Variants in AKAP13 observed in about 807,000 individuals in gnomAD.
AKAP13 encodes A-kinase anchoring protein 13, also known as A-kinase anchor protein 13.
In AKAP13, 80 loss-of-function variants were observed where a neutral mutation model predicts 264.5. The observed-to-expected ratio is 0.30, with a 90% CI of 0.25 to 0.36. AKAP13 has a LOEUF of 0.36. AKAP13 is among the 10% of genes least tolerant of loss of function. The pLI is 1.00. For synonymous variants in AKAP13, 1,380 were observed against 1,250.2 expected, an observed-to-expected ratio of 1.10 and a Z score of -2.19; for missense variants, 3,712 against 3,435.2, an observed-to-expected ratio of 1.08 and a Z score of -2.01.
At position 85,579,029 on chromosome 15, in the gene AKAP13, G is replaced by A. The variant is rs1596590250; in HGVS notation, c.961G>A (p.Ala321Thr). 6.2e-7 allele frequency: 1 copy of A among 1,614,140 alleles called. No individual in the cohort carries two copies. Among genetic ancestry groups the A allele is most frequent in the Non-Finnish European group, 8.5e-7 (1 of 1,180,038 alleles). ...GACAGATGGCCAGTTTCTTCCCTGT[G>A]CACCGGAGCCCACGGACCCTCAGCG... ...PETDGQFLPC[A>T]PEPTDPQRLS... Residue 321 changes from alanine (A) to threonine (T), a missense_variant, in exon 7 of 37, where the codon GCA (alanine) becomes ACA (threonine). Coordinates refer to ENST00000394518, the MANE Select transcript of AKAP13 (RefSeq NM_007200.5).
chr15:85,688,128 G>A (rs949063154), intron 16 of AKAP13, among the ~76,000 whole-genome samples: 9 of 151,772 alleles, frequency 5.9e-5, no homozygotes, highest in African/African-American at 2.2e-4. Context: ...CTATGTATCT[G>A]CATAGCATTT....
chr15:85,423,926 A>G (rs1370581730), intron 1 of AKAP13, among the ~76,000 whole-genome samples: 2 of 152,224 alleles, frequency 1.3e-5, no homozygotes, highest in Admixed American at 1.3e-4. Flanking sequence ...TGGGTGACCC[A>G]GGTGCATTGT....
chr15:85,741,503 G>T lies in AKAP13; in HGVS notation c.8058+8G>T, dbSNP rs1230381954. 4 of 1,569,600 alleles carry T rather than the reference G, an allele frequency of 2.5e-6. No individual in the cohort carries two copies. The South Asian group carries it at 4.6e-5, about 18-fold the overall frequency. On this transcript the variant is annotated splice_region_variant and intron_variant, in intron 35 of 36. Coordinates refer to ENST00000394518, the MANE Select transcript of AKAP13 (RefSeq NM_007200.5). ...GAACGGGACCTGTGTCAGGTAATGG[G>T]ACTCCCTGCCGAGAGCAACCTAATG... is the stretch of plus-strand genomic sequence containing the variant.
At chr15:85,692,405 C>T (rs191708125) in intron 16 of AKAP13, among the ~76,000 whole-genome samples, 3 of 152,270 alleles carry the variant, frequency 2.0e-5, no homozygotes, top group East Asian at 3.9e-4. Flanking sequence ...TTTGTGATTA[C>T]TCCCATTTGA....
intron 30 of AKAP13, among the ~76,000 whole-genome samples, chr15:85,732,250 C>T (rs970824148): frequency 6.6e-6 from 1 of 152,050 alleles, no homozygotes; most frequent in African/African-American, 2.4e-5. Context: ...GTTCCAGGCT[C>T]ATCTTAATTG....
At chr15:85,698,794 A>G (rs937452000) in intron 17 of AKAP13, among the ~76,000 whole-genome samples, 16 of 151,132 alleles carry the variant, frequency 1.1e-4, no homozygotes, top group Non-Finnish European at 2.4e-4. Flanking sequence ...AAATACAGAA[A>G]TCAGCTGGGC....
At chr15:85,620,248 C>T in intron 8 of AKAP13, 1 of 1,373,822 alleles carries the variant, frequency 7.3e-7, no homozygotes, top group Non-Finnish European at 1.0e-6. Context: ...AGCCATGTCC[C>T]TGGCCCTCCT....
chr15:85,691,757 C>G, intron 16 of AKAP13: 3 of 457,410 alleles, frequency 6.6e-6, no homozygotes, highest in African/African-American at 2.0e-5. Flanking sequence ...GTAGAAGCAC[C>G]TGGGCAGTGG....
intron 8 of AKAP13, among the ~76,000 whole-genome samples, chr15:85,620,568 C>T (rs1046499400): frequency 4.6e-5 from 7 of 152,082 alleles, no homozygotes; most frequent in African/African-American, 1.7e-4. Flanking sequence ...GTCTCTCTGC[C>T]TCTGTCTTTT....
chr15:85,418,067 C>T (rs1054901375), intron 1 of AKAP13, among the ~76,000 whole-genome samples: 87 of 133,894 alleles, frequency 6.5e-4, no homozygotes, highest in Middle Eastern at 3.7e-3. Flanking sequence ...TTATTATTAT[C>T]ATTATTATTA....
chr15:85,426,948 TTGTTTTG>T (rs1307107784), intron 1 of AKAP13, among the ~76,000 whole-genome samples: 13 of 124,466 alleles, frequency 1.0e-4, no homozygotes, highest in African/African-American at 4.7e-4. Flanking sequence ...TAGTATTGTT[TTGTTTTG>T]TTTTTTTTTT....
chr15:85,401,308 G>GT (rs60785819), intron 1 of AKAP13, among the ~76,000 whole-genome samples: 146,649 of 152,256 alleles, frequency 0.96, 70,678 homozygotes, highest in South Asian at 0.98. Context: ...TTATTGAACT[G>GT]TTAGTTTCGT....
intron 13 of AKAP13, among the ~76,000 whole-genome samples, chr15:85,668,298 G>A (rs1009206513): frequency 1.3e-5 from 2 of 152,154 alleles, no homozygotes; most frequent in Non-Finnish European, 2.9e-5. Flanking sequence ...CTTTCAATAT[G>A]TGAGTCATAA....
At chr15:85,629,076 A>C (rs2081569865) in intron 8 of AKAP13, among the ~76,000 whole-genome samples, 1 of 152,116 alleles carries the variant, frequency 6.6e-6, no homozygotes, top group Non-Finnish European at 1.5e-5. Context: ...ACATGCCTGT[A>C]GTCCTAGCTA....
intron 1 of AKAP13, among the ~76,000 whole-genome samples, chr15:85,464,424 A>T (rs1213438105): frequency 6.6e-6 from 1 of 152,206 alleles, no homozygotes; most frequent in Non-Finnish European, 1.5e-5. Context: ...TAGAATATGG[A>T]TAATATCTAT....
chr15:85,550,212 G>A (rs887600143), intron 5 of AKAP13, among the ~76,000 whole-genome samples: 1 of 152,164 alleles, frequency 6.6e-6, no homozygotes, highest in African/African-American at 2.4e-5. Flanking sequence ...ACTGCACCTG[G>A]CCATCTCTGT....
intron 1 of AKAP13, among the ~76,000 whole-genome samples, chr15:85,419,549 G>A (rs1409181673): frequency 6.6e-6 from 1 of 152,198 alleles, no homozygotes; most frequent in African/African-American, 2.4e-5. Context: ...TCATTTAAGA[G>A]TGAAAGATTC....
intron 8 of AKAP13, among the ~76,000 whole-genome samples, chr15:85,623,033 C>G (rs540643273): frequency 6.6e-6 from 1 of 152,270 alleles, no homozygotes; most frequent in African/African-American, 2.4e-5. Flanking sequence ...TCTCACAATT[C>G]TAAAAAACCA....
intron 8 of AKAP13, among the ~76,000 whole-genome samples, chr15:85,613,921 GA>G (rs2080824551): frequency 6.6e-6 from 1 of 151,722 alleles, no homozygotes; most frequent in Non-Finnish European, 1.5e-5. Context: ...TTATTTGAGA[GA>G]ATATATCTAT....
Sources: gnomAD v4.1 joint callset for allele counts (sites outside exome capture counted in the v4.1 genomes callset) on GRCh38, gnomAD v4.1.1 for gene constraint, MANE v1.5 for transcripts, NCBI Gene and HGNC (gene_info 2026-07-23, HGNC 2026-07-21) for gene names.